The following LRP2 variants were observed in gnomAD, a reference collection of about 807,000 sequenced individuals.
The protein encoded by LRP2 is low-density lipoprotein receptor-related protein 2.
In LRP2, 172 loss-of-function variants were observed where a neutral mutation model predicts 531.0. That is an observed-to-expected ratio of 0.32 (90% CI 0.29 to 0.37). The LOEUF is 0.37. LRP2 is among the 10% of genes least tolerant of loss of function. LRP2 has a pLI of 1.00. For synonymous variants in LRP2, 1,992 were observed against 2,027.6 expected (o/e 0.98, Z 0.47); for missense variants, 5,167 against 5,868.3 (o/e 0.88, Z 3.90).
intron 71 of LRP2, among the ~76,000 whole-genome samples, chr2:169,142,015 G>GT (rs1458153856): frequency 8.5e-5 from 13 of 152,234 alleles, no homozygotes; most frequent in Admixed American, 3.9e-4. Context: ...ACTGGGGGAA[G>GT]GCCCCAAGGA....
Position 169,353,094 on chromosome 2 carries a change from A to T in LRP2, c.79+9227T>A, listed in dbSNP as rs184390815. Among the ~76,000 whole-genome samples, 5 of 152,292 alleles carry T rather than the reference A, an allele frequency of 3.3e-5. No homozygotes were observed. The East Asian group carries it at 7.7e-4, about 23-fold the overall frequency. ...TCATACCCCTGCTTTAGTAAGGGTG[A>T]GTTTTGATTTAAGAATCTCTATACT... is the stretch of plus-strand genomic sequence containing the variant. On this transcript the variant is annotated intron_variant, in intron 1 of 78. Coordinates refer to ENST00000649046, the MANE Select transcript of LRP2 (RefSeq NM_004525.3).
intron 38 of LRP2, among the ~76,000 whole-genome samples, chr2:169,208,461 T>A (rs574618485): frequency 1.3e-5 from 2 of 151,998 alleles, no homozygotes; most frequent in East Asian, 1.9e-4. Flanking sequence ...TTTTTTTAAA[T>A]TTTTTTTTAA....
At chr2:169,291,684 G>A (rs528132682) in intron 7 of LRP2, among the ~76,000 whole-genome samples, 7 of 132,132 alleles carry the variant, frequency 5.3e-5, no homozygotes, top group Non-Finnish European at 8.0e-5. Flanking sequence ...CACTTCCCTG[G>A]ATAGTAGCTT....
intron 3 of LRP2, among the ~76,000 whole-genome samples, chr2:169,314,695 T>C (rs1684711659): frequency 6.6e-6 from 1 of 152,208 alleles, no homozygotes; most frequent in South Asian, 2.1e-4. Context: ...TTTCATATTT[T>C]CTCTAAGTAC....
rs1686102783 is a variant in LRP2, at chr2:169,360,049, T to G, written c.79+2272A>C. Among the ~76,000 whole-genome samples the G allele has an allele frequency of 2.1e-5, 3 of 145,942 alleles. No individual in the cohort carries two copies. The Admixed American group carries it at 2.1e-4, about 10-fold the overall frequency. ...CTGAGGTGTGAGGATCGCTTGAACC[T>G]GGGAGGCAGAGGTTGCAGTGAGCCG... On this transcript the variant is annotated intron_variant, in intron 1 of 78. Coordinates refer to ENST00000649046, the MANE Select transcript of LRP2 (RefSeq NM_004525.3).
intron 3 of LRP2, 88 bp downstream of exon 3, chr2:169,318,673 GA>G: frequency 6.4e-7 from 1 of 1,572,158 alleles, no homozygotes; most frequent in Admixed American, 1.7e-5. Context: ...CATTTATAAA[GA>G]ATCATCCCAT....
rs767514365 is a variant in LRP2 at position 169,279,580 on chromosome 2, T to C, written c.1357A>G (p.Ile453Val). Residue 453 changes from isoleucine to valine, a missense_variant, in exon 12 of 79, where the codon ATT becomes GTT. By Grantham distance (29) the Ile-to-Val change is conservative. Transcript: ENST00000649046. ...ACCTCTTGGATATTTAAACCATTAATGTCAACTGAAAAAACCTGAAAGAAA... is the reference window on the plus strand; with the variant it reads ...ACCTCTTGGATATTTAAACCATTAACGTCAACTGAAAAAACCTGAAAGAAA... ...TVQNKVFSVDINGLNIQEVLN... is the reference protein window; with the variant it reads ...TVQNKVFSVDVNGLNIQEVLN... 3.1e-6 allele frequency: 5 copies of C among 1,612,228 alleles called. No homozygotes were observed. Among genetic ancestry groups the C allele is most frequent in the East Asian group, 2.2e-5 (1 of 44,852 alleles).
At chr2:169,361,636 T>C (rs1210976213) in intron 1 of LRP2, among the ~76,000 whole-genome samples, 1 of 152,016 alleles carries the variant, frequency 6.6e-6, no homozygotes, top group Non-Finnish European at 1.5e-5. Context: ...CTGCATTCGA[T>C]CCCCAAAACT....
At chr2:169,317,840 G>T (rs1348472416) in intron 3 of LRP2, among the ~76,000 whole-genome samples, 1 of 152,162 alleles carries the variant, frequency 6.6e-6, no homozygotes, top group Non-Finnish European at 1.5e-5. Flanking sequence ...CATTTTGGGA[G>T]GCCAAGGCAG....
intron 3 of LRP2, 151 bp downstream of exon 3, chr2:169,318,611 C>A: frequency 1.9e-6 from 2 of 1,062,316 alleles, no homozygotes; most frequent in South Asian, 2.6e-5. Context: ...TCATCCAACC[C>A]CTGAATGAGA....
chr2:169,361,312 G>GTC (rs747222298), intron 1 of LRP2, among the ~76,000 whole-genome samples: 1 of 124,850 alleles, frequency 8.0e-6, no homozygotes, highest in South Asian at 2.8e-4. Context: ...CCGGGTCTCT[G>GTC]TCTCTCTGTC....
chr2:169,274,313 G>A (rs550546431), intron 14 of LRP2, among the ~76,000 whole-genome samples: 1 of 152,272 alleles, frequency 6.6e-6, no homozygotes, highest in East Asian at 1.9e-4. Flanking sequence ...GCCAGGTGCA[G>A]TGGCTTACAC....
At chr2:169,131,354 A>G (rs1283333252) in intron 77 of LRP2, among the ~76,000 whole-genome samples, 1 of 152,026 alleles carries the variant, frequency 6.6e-6, no homozygotes, top group Non-Finnish European at 1.5e-5. Flanking sequence ...GACTCTTCTC[A>G]GCATCAATTT....
At chr2:169,308,731 T>C (rs1350792043) in intron 3 of LRP2, among the ~76,000 whole-genome samples, 1 of 152,198 alleles carries the variant, frequency 6.6e-6, no homozygotes, top group African/African-American at 2.4e-5. Context: ...CCTTTGGGTA[T>C]ATACTCAGTA....
In LRP2 at chr2:169,294,214, T is replaced by A; in HGVS notation, c.586A>T (p.Ile196Phe). 1 of 1,613,926 alleles carries A rather than the reference T, an allele frequency of 6.2e-7. No individual in the cohort carries two copies. The highest frequency in any genetic ancestry group is 8.5e-7 in the Non-Finnish European group (1 of 1,179,860). Residue 196 changes from isoleucine to phenylalanine, a missense_variant, in exon 6 of 79, where the codon ATC becomes TTC. Around this residue, in one of 6 missense-constraint regions of LRP2, gnomAD observed 2,811 missense variants for 3,058.0 expected, o/e 0.92. Transcript: ENST00000649046. ...NEFSCGNGEC[I>F]PRAYVCDHDN... Reference sequence around the variant, plus strand: ...TGGTCACAGACATAAGCACGAGGGATACACTCTCCATTGCCACATGAAAAC... The same window carrying A: ...TGGTCACAGACATAAGCACGAGGGAAACACTCTCCATTGCCACATGAAAAC...
chr2:169,327,263 T>G (rs1289588144), intron 1 of LRP2, among the ~76,000 whole-genome samples: 16 of 50,162 alleles, frequency 3.2e-4, no homozygotes, highest in South Asian at 2.3e-3. Flanking sequence ...GGGAGGGAGG[T>G]GGGGGGGTCA....
chr2:169,201,526 G>A, intron 44 of LRP2, 102 bp downstream of exon 44: 1 of 1,497,674 alleles, frequency 6.7e-7, no homozygotes, highest in Admixed American at 1.8e-5. Flanking sequence ...AAATACTTAG[G>A]GTTTTTATTT....
intron 59 of LRP2, among the ~76,000 whole-genome samples, chr2:169,170,105 T>A (rs1032949972): frequency 8.5e-5 from 13 of 152,186 alleles, no homozygotes; most frequent in African/African-American, 3.1e-4. Context: ...TTTCTAATTT[T>A]CCTAAGACCC....
chr2:169,141,266 G>T (rs926522298), intron 71 of LRP2, among the ~76,000 whole-genome samples: 4 of 152,114 alleles, frequency 2.6e-5, no homozygotes, highest in African/African-American at 9.7e-5. Flanking sequence ...TATCAGACAG[G>T]TCTTCCCTGA....
Sources: allele counts gnomAD v4.1 joint callset (sites outside exome capture counted in the v4.1 genomes callset), GRCh38; gene constraint gnomAD v4.1.1; regional missense constraint gnomAD v4.1.1; transcripts MANE v1.5; gene names NCBI Gene and HGNC (gene_info 2026-07-23, HGNC 2026-07-21).